The following ITPRID1 variants were observed in gnomAD, a reference collection of about 807,000 sequenced individuals.
ITPRID1 encodes the protein protein ITPRID1.
Under a neutral mutation model 95.4 loss-of-function variants are expected in ITPRID1, and 96 were observed. The ratio of observed to expected loss-of-function variants is 1.01; its 90% CI spans 0.85 to 1.19. The LOEUF (loss-of-function observed/expected upper bound fraction) is 1.19. Among genes scored for constraint, ITPRID1 ranks in the 50% most tolerant of loss-of-function variants. The probability of loss-of-function intolerance (pLI) is 0.00; values close to 1 mark genes in which losing one functional copy is unlikely to be tolerated. For synonymous variants in ITPRID1, 510 were observed against 453.6 expected (o/e 1.12, Z -1.58); for missense variants, 1,339 against 1,252.9 (o/e 1.07, Z -1.04).
rs1234235851 is a variant in ITPRID1, at chr7:31,587,221, A to T, written c.1228+4030A>T. 2.0e-4 allele frequency among the ~76,000 whole-genome samples: 30 copies of T among 152,204 alleles called. 1 individual carries two copies. Among genetic ancestry groups the T allele is most frequent in the Admixed American group, 2.0e-3 (30 of 15,284 alleles). On this transcript the variant is annotated intron_variant, in intron 10 of 14. Transcript: ENST00000615280. ...ATTGTCCCTGTTTGCAGATGATATG[A>T]TTGTATATCTAGAAAACCCCATTGT...
intron 12 of ITPRID1, among the ~76,000 whole-genome samples, chr7:31,646,262 G>A (rs1230972701): frequency 2.0e-5 from 3 of 152,178 alleles, no homozygotes; most frequent in African/African-American, 4.8e-5. Flanking sequence ...TGACTGGTCA[G>A]TAGCACAGCC....
chr7:31,561,566 G>A (rs943378783), intron 5 of ITPRID1, among the ~76,000 whole-genome samples: 1 of 152,216 alleles, frequency 6.6e-6, no homozygotes, highest in East Asian at 1.9e-4. Flanking sequence ...AACTGCAAAA[G>A]GTTGGACAGC....
intron 1 of ITPRID1, among the ~76,000 whole-genome samples, chr7:31,520,564 T>TGTGTGTGA (rs1289851983): frequency 1.8e-5 from 1 of 54,918 alleles, no homozygotes; most frequent in Non-Finnish European, 3.3e-5. Context: ...TGTGTGTGTG[T>TGTGTGTGA]GAGAGAGAGA....
chr7:31,627,349 T>C (rs1412049272), intron 10 of ITPRID1, among the ~76,000 whole-genome samples: 1 of 152,114 alleles, frequency 6.6e-6, no homozygotes, highest in Non-Finnish European at 1.5e-5. Flanking sequence ...AAGATATTCT[T>C]TAGAGAATCA....
At chr7:31,601,060 G>C (rs1786374366) in intron 10 of ITPRID1, among the ~76,000 whole-genome samples, 1 of 152,086 alleles carries the variant, frequency 6.6e-6, no homozygotes, top group East Asian at 1.9e-4. Context: ...GACCTTAAGA[G>C]AATGCTGAAG....
At chr7:31,641,706 C>G (rs1790032777) in intron 10 of ITPRID1, among the ~76,000 whole-genome samples, 1 of 152,148 alleles carries the variant, frequency 6.6e-6, no homozygotes, top group Non-Finnish European at 1.5e-5. Flanking sequence ...TGAGCACAAA[C>G]TTGTAGTCAT....
intron 5 of ITPRID1, among the ~76,000 whole-genome samples, chr7:31,565,732 C>T (rs1401704947): frequency 1.4e-5 from 1 of 71,348 alleles, no homozygotes; most frequent in Non-Finnish European, 3.1e-5. Context: ...AGCAAGACTC[C>T]ATCTCAAAAA....
intron 13 of ITPRID1, 61 bp downstream of exon 13, chr7:31,651,330 T>C: frequency 6.3e-7 from 1 of 1,579,950 alleles, no homozygotes; most frequent in Admixed American, 1.8e-5. Flanking sequence ...GCAAGGAAGA[T>C]AATCAGGGCA....
In ITPRID1 at chr7:31,643,071, G is replaced by T; in HGVS notation, c.1701G>T (p.Gly567=). ...TATSKYDHPL[G]FMVTHVTEMQ... is the part of the protein sequence containing the mutation. The stretch of plus-strand genomic sequence containing the variant: ...CTTCCAAATATGATCATCCTCTGGG[G>T]TTTATGGTAACCCACGTCACAGAAA... The change falls in exon 12 of 15, where the codon GGG becomes GGT. Residue 567 remains glycine, a synonymous_variant. Transcript: ENST00000615280. 1.9e-6 allele frequency: 3 copies of T among 1,613,992 alleles called. No individual in the cohort carries two copies. The highest frequency in any genetic ancestry group is 2.5e-6 in the Non-Finnish European group (3 of 1,179,896).
chr7:31,562,838 CCTT>C (rs1418866327), intron 5 of ITPRID1, among the ~76,000 whole-genome samples: 2 of 152,190 alleles, frequency 1.3e-5, no homozygotes, highest in Non-Finnish European at 2.9e-5. Context: ...GTTCTCCTCT[CCTT>C]CTTTTGAGAC....
rs1583668343 is a variant in ITPRID1 at position 31,633,484 on chromosome 7, TAGAG to T, written c.1229-8689_1229-8686del. 2.6e-5 allele frequency among the ~76,000 whole-genome samples: 4 copies of T among 152,288 alleles called. No homozygotes were observed. In the East Asian group the frequency reaches 7.7e-4, roughly 29 times the overall value. Reference sequence around the variant, plus strand: ...ATCCTGTCTTCCAACCTGGGGAACATAGAGAGGTTTTGTTTGTTCTACAAAACAT... The same window carrying T: ...ATCCTGTCTTCCAACCTGGGGAACATAGGTTTTGTTTGTTCTACAAAACAT... On this transcript the variant is annotated intron_variant, in intron 10 of 14. Coordinates refer to ENST00000615280, the MANE Select transcript of ITPRID1 (RefSeq NM_001257967.3).
At chr7:31,647,720 GACA>G (rs2128216412) in intron 12 of ITPRID1, among the ~76,000 whole-genome samples, 1 of 148,328 alleles carries the variant, frequency 6.7e-6, no homozygotes, top group East Asian at 2.0e-4. Flanking sequence ...AGACGATGAC[GACA>G]ACGACGACGA....
Position 31,643,838 on chromosome 7 carries a change from G to A in ITPRID1, c.2468G>A (p.Gly823Asp), listed in dbSNP as rs1013023296. The A allele has an allele frequency of 2.5e-6, 4 of 1,613,796 alleles. No individual in the cohort carries two copies. The African/African-American group carries it at 5.3e-5, about 22-fold the overall frequency. ...TGCCACGGGGAGAGGCAAAGCCCTG[G>A]CCCTGAACCCTCAGTCTGTAGGCAC... Reference protein sequence around the residue: ...PHCHGERQSPGPEPSVCRHCL... With the variant: ...PHCHGERQSPDPEPSVCRHCL... The change falls in exon 12 of 15, where the codon GGC (glycine) becomes GAC (aspartate). Residue 823 changes from glycine to aspartate, a missense_variant. By Grantham distance (94) the Gly-to-Asp change is moderately conservative. Transcript: ENST00000615280.
At chr7:31,552,918 C>A in intron 2 of ITPRID1, 84 bp from the exon 3 acceptor site, 2 of 1,352,114 alleles carry the variant, frequency 1.5e-6, no homozygotes, top group Non-Finnish European at 2.0e-6. Context: ...TGTAGGCATT[C>A]TGGCCTTCTT....
intron 10 of ITPRID1, among the ~76,000 whole-genome samples, chr7:31,595,998 G>A (rs1314994492): frequency 6.6e-6 from 1 of 151,568 alleles, no homozygotes; most frequent in East Asian, 1.9e-4. Context: ...TAAAACCAGA[G>A]ATAATTACTA....
chr7:31,587,459 A>T (rs944254289), intron 10 of ITPRID1, among the ~76,000 whole-genome samples: 16 of 149,898 alleles, frequency 1.1e-4, no homozygotes, highest in African/African-American at 3.9e-4. Context: ...TTCAAGGAGA[A>T]CTACAAACCA....
rs1784396432 is a variant in ITPRID1 at position 31,554,841 on chromosome 7, C to A, written c.213-17C>A. The A allele has an allele frequency of 6.4e-7, 1 of 1,555,734 alleles. No individual in the cohort carries two copies. Among genetic ancestry groups the A allele is most frequent in the East Asian group, 2.4e-5 (1 of 42,198 alleles). On this transcript the variant is annotated splice_polypyrimidine_tract_variant and intron_variant, in intron 4 of 14. Coordinates refer to ENST00000615280, the MANE Select transcript of ITPRID1 (RefSeq NM_001257967.3). ...TACACACATTGTTTGACTCACAATA[C>A]TTTTGTTTCTTTACAGTGTCTCTGC...
At chr7:31,606,479 AAAAGG>A (rs1786631686) in intron 10 of ITPRID1, among the ~76,000 whole-genome samples, 1 of 152,196 alleles carries the variant, frequency 6.6e-6, no homozygotes, top group Admixed American at 6.5e-5. Flanking sequence ...GAGAGGAAAA[AAAAGG>A]AAAGATAACT....
chr7:31,653,079 T>C lies in ITPRID1; in HGVS notation c.*250T>C, dbSNP rs140268517. ...CAGTGACTAAATAGTATACGGTCTC[T>C]GCCCTGCTAGAACTTACAGTGTAGT... On this transcript the variant is annotated 3_prime_UTR_variant, in exon 15 of 15. Coordinates refer to ENST00000615280, the MANE Select transcript of ITPRID1 (RefSeq NM_001257967.3). The C allele has an allele frequency of 3.2e-5, 29 of 897,514 alleles. No homozygotes were observed. In the African/African-American group the frequency reaches 4.2e-4, roughly 13 times the overall value. 55.6% of individuals were successfully genotyped at this position (897,514 alleles called of 1,614,324 possible).
Sources: allele counts gnomAD v4.1 joint callset (sites outside exome capture counted in the v4.1 genomes callset), GRCh38; gene constraint gnomAD v4.1.1; transcripts MANE v1.5; gene names NCBI Gene and HGNC (gene_info 2026-07-23, HGNC 2026-07-21).